The following RAP1GAP variants were observed in gnomAD, a reference collection of about 807,000 sequenced individuals.
RAP1GAP encodes RAP1 GTPase activating protein.
A neutral mutation model predicts 87.2 loss-of-function variants in RAP1GAP; 35 were observed. That is an observed-to-expected ratio of 0.40 (90% CI 0.31 to 0.53). RAP1GAP has a LOEUF of 0.53. Among genes scored for constraint, RAP1GAP ranks in the 20% least tolerant of loss-of-function variants. The pLI, the probability that RAP1GAP is intolerant of heterozygous loss-of-function variation, is 0.48. For missense variants in RAP1GAP, 734 were observed against 898.9 expected (o/e 0.82, Z 2.35); for synonymous variants, 375 against 363.9 (o/e 1.03, Z -0.35).
intron 5 of RAP1GAP, among the ~76,000 whole-genome samples, chr1:21,618,256 C>T (rs899044233): frequency 3.9e-5 from 6 of 152,186 alleles, no homozygotes; most frequent in African/African-American, 1.4e-4. Context: ...TTGGATGCAG[C>T]GGTCTGGGCG....
chr1:21,611,300 C>T, intron 13 of RAP1GAP, 152 bp downstream of exon 13: 1 of 1,172,670 alleles, frequency 8.5e-7, no homozygotes, highest in South Asian at 1.5e-5. Flanking sequence ...TCTGTCTCCC[C>T]TGACCCAACG....
rs2097090385 is a variant in RAP1GAP, at chr1:21,660,351, A to ATATATATATATATATATATATATAT, written c.-149+8902_-149+8903insATATATATATATATATATATATATA. ...GGTTCCAACTCAGCTATATATATTTATTGAGACAGTCTCGCTCTGTCACCC... is the reference window on the plus strand; with the variant it reads ...GGTTCCAACTCAGCTATATATATTTATATATATATATATATATATATATATTTGAGACAGTCTCGCTCTGTCACCC... On this transcript the variant is annotated intron_variant, in intron 1 of 24. Transcript: ENST00000374765. 1.5e-5 allele frequency among the ~76,000 whole-genome samples: 2 copies of ATATATATATATATATATATATATAT among 132,612 alleles called. 1 individual carries two copies. The highest frequency in any genetic ancestry group is 4.8e-4 in the East Asian group (2 of 4,154). The allele number at this position is 132,612 out of a possible 152,430, so 87.0% of individuals were successfully genotyped here. A position where few individuals can be genotyped will look rare whatever the true frequency, so the allele number is the denominator to read the frequency against.
intron 16 of RAP1GAP, 106 bp from the exon 17 acceptor site, chr1:21,608,456 G>T: frequency 7.1e-7 from 1 of 1,405,880 alleles, no homozygotes; most frequent in Non-Finnish European, 9.5e-7. Context: ...TTCTCTGAAT[G>T]AGTGGGGAGT....
At position 21,641,074 on chromosome 1, in the gene RAP1GAP, ATTTTT is replaced by A. The variant is rs546229041; in HGVS notation, c.-113+8682_-113+8686del. On this transcript the variant is annotated intron_variant, in intron 2 of 24. Transcript: ENST00000374765. ...AGGCATGCACCACTACGCCCAGCTAATTTTTTTTTTTTTTTTTGTATTTTTAGTAA... is the reference window on the plus strand; with the variant it reads ...AGGCATGCACCACTACGCCCAGCTAATTTTTTTTTTTTGTATTTTTAGTAA... Among the ~76,000 whole-genome samples, 16 of 132,110 alleles carry A rather than the reference ATTTTT, an allele frequency of 1.2e-4. No individual in the cohort carries two copies. The East Asian group carries it at 3.0e-3, about 24-fold the overall frequency. 86.7% of individuals were successfully genotyped at this position (132,110 alleles called of 152,430 possible). A position where few individuals can be genotyped will look rare whatever the true frequency, so the allele number is the denominator to read the frequency against.
Position 21,616,190 on chromosome 1 carries a change from C to CACACACAT in RAP1GAP, c.291+1115_291+1116insATGTGTGT, listed in dbSNP as rs758719299. 7.7e-3 allele frequency among the ~76,000 whole-genome samples: 1,052 copies of CACACACAT among 136,156 alleles called. 17 individuals are homozygous for CACACACAT. Among genetic ancestry groups the CACACACAT allele is most frequent in the Non-Finnish European group, 0.012 (723 of 61,464 alleles). The allele number at this position is 136,156 out of a possible 152,430, so 89.3% of individuals were successfully genotyped here. A position where few individuals can be genotyped will look rare whatever the true frequency, so the allele number is the denominator to read the frequency against. ...ACACACACACACACACACACACACA[C>CACACACAT]ATACAATGACTAGGAGCATGATCTC... On this transcript the variant is annotated intron_variant, in intron 7 of 24. Transcript: ENST00000374765.
At position 21,617,303 on chromosome 1, in the gene RAP1GAP, C is replaced by A; in HGVS notation, c.291+3G>T. On this transcript the variant is annotated splice_donor_region_variant and intron_variant, in intron 7 of 24. Transcript: ENST00000374765. ...AGCCCCGCTGCACCAGCCGGCCACC[C>A]ACCTTGCCGAGAAAGTGCTTCCGGT... is the stretch of plus-strand genomic sequence containing the variant. 1 of 1,565,388 alleles carries A rather than the reference C, an allele frequency of 6.4e-7. No homozygotes were observed. Among genetic ancestry groups the A allele is most frequent in the East Asian group, 2.4e-5 (1 of 42,358 alleles).
At chr1:21,636,348 T>C (rs2094661184) in intron 2 of RAP1GAP, among the ~76,000 whole-genome samples, 1 of 152,258 alleles carries the variant, frequency 6.6e-6, no homozygotes, top group African/African-American at 2.4e-5. Context: ...GTTAAATGAG[T>C]TCATTGGTGT....
At chr1:21,617,017 T>C (rs1570743099) in intron 7 of RAP1GAP, among the ~76,000 whole-genome samples, 1 of 152,382 alleles carries the variant, frequency 6.6e-6, no homozygotes, top group East Asian at 1.9e-4. Flanking sequence ...ATTTACCCGA[T>C]GTCCTGTGTA....
Position 21,620,018 on chromosome 1 carries a change from C to A in RAP1GAP, c.15G>T (p.Met5Ile). The change falls in exon 4 of 25, where the codon ATG becomes ATT. Residue 5 changes from methionine to isoleucine, a missense_variant. By Grantham distance (10) the Met-to-Ile change is conservative (BLOSUM62 1). Around this residue, in one of 2 missense-constraint regions of RAP1GAP, gnomAD observed 485 missense variants for 646.2 expected, o/e 0.75. Transcript: ENST00000374765. Reference protein sequence around the residue: MIEKMQGSRMDEQRC... With the variant: MIEKIQGSRMDEQRC... ...CAGGCCACAGAGCCATCCTCACCTGCATCTTCTCAATCATCTCAAATAGAT... is the reference window on the plus strand; with the variant it reads ...CAGGCCACAGAGCCATCCTCACCTGAATCTTCTCAATCATCTCAAATAGAT... 1 of 1,613,988 alleles carries A rather than the reference C, an allele frequency of 6.2e-7. No homozygotes were observed. The highest frequency in any genetic ancestry group is 8.5e-7 in the Non-Finnish European group (1 of 1,179,928).
At chr1:21,618,329 C>T (rs2083723669) in intron 5 of RAP1GAP, among the ~76,000 whole-genome samples, 1 of 152,190 alleles carries the variant, frequency 6.6e-6, no homozygotes, top group Non-Finnish European at 1.5e-5. Context: ...GGTGTGAGGG[C>T]CTCTGCCCCA....
intron 2 of RAP1GAP, among the ~76,000 whole-genome samples, chr1:21,644,873 C>T (rs1405016151): frequency 7.0e-6 from 1 of 143,544 alleles, no homozygotes; most frequent in Non-Finnish European, 1.5e-5. Flanking sequence ...TGCACCCCAG[C>T]CTGGGTAACA....
intron 2 of RAP1GAP, among the ~76,000 whole-genome samples, chr1:21,639,986 C>T (rs969926748): frequency 2.0e-5 from 3 of 152,178 alleles, no homozygotes; most frequent in African/African-American, 7.2e-5. Context: ...GGCTTCCCGC[C>T]GCAAGCAGGA....
intron 3 of RAP1GAP, among the ~76,000 whole-genome samples, chr1:21,623,510 C>T (rs2090160252): frequency 6.6e-6 from 1 of 152,212 alleles, no homozygotes; most frequent in African/African-American, 2.4e-5. Context: ...CAGGGCTGCC[C>T]ACCAGCTCAG....
At chr1:21,632,392 C>T (rs1298740879) in intron 2 of RAP1GAP, among the ~76,000 whole-genome samples, 2 of 152,200 alleles carry the variant, frequency 1.3e-5, no homozygotes, top group Non-Finnish European at 2.9e-5. Context: ...CCTTCTTTAT[C>T]TGCTCACTCC....
intron 2 of RAP1GAP, among the ~76,000 whole-genome samples, chr1:21,642,848 C>T (rs2095643546): frequency 6.6e-6 from 1 of 150,952 alleles, no homozygotes; most frequent in African/African-American, 2.5e-5. Context: ...CTGGAACATT[C>T]TCGCACAGTG....
At chr1:21,663,237 C>A (rs1287610927) in intron 1 of RAP1GAP, among the ~76,000 whole-genome samples, 1 of 152,170 alleles carries the variant, frequency 6.6e-6, no homozygotes, top group African/African-American at 2.4e-5. Context: ...TAAGGGCAAC[C>A]CTCTATCCCT....
chr1:21,640,004 G>T (rs1211943675), intron 2 of RAP1GAP, among the ~76,000 whole-genome samples: 1 of 152,108 alleles, frequency 6.6e-6, no homozygotes, highest in East Asian at 1.9e-4. Context: ...GGATCCAGAC[G>T]CCCGCCTCAC....
chr1:21,609,455 A>G lies in RAP1GAP; in HGVS notation c.1071+120T>C. ...GCCAGGCCCCGGTTGCAGTTAGGGG[A>G]GCCCAGCTGCCCTGGCATACAATGA... On this transcript the variant is annotated intron_variant, in intron 15 of 24. Coordinates refer to ENST00000374765, the MANE Select transcript of RAP1GAP (RefSeq NM_002885.4). This position sits in a 1 kb window ranked among gnomAD's most constrained non-coding sequence, Gnocchi z 4.4. 1 of 566,262 alleles carries G rather than the reference A, an allele frequency of 1.8e-6. No individual in the cohort carries two copies. The highest frequency in any genetic ancestry group is 3.0e-6 in the Non-Finnish European group (1 of 334,996). The allele number at this position is 566,262 out of a possible 1,614,324, so 35.1% of individuals were successfully genotyped here.
In RAP1GAP at chr1:21,603,146, T is replaced by C. The variant is rs529774435; in HGVS notation, c.1429-233A>G. On this transcript the variant is annotated intron_variant, in intron 18 of 24. Coordinates refer to ENST00000374765, the MANE Select transcript of RAP1GAP (RefSeq NM_002885.4). The surrounding 1 kb of genome is among the most constrained non-coding windows in gnomAD (Gnocchi z 6.0). ...ACACGGCAGGACTGCACGTCAATAC[T>C]GGCCCAGGATTAGGACAGCATCCTG... 1.1e-5 allele frequency: 6 copies of C among 531,506 alleles called. No individual in the cohort carries two copies. Among genetic ancestry groups the C allele is most frequent in the Non-Finnish European group, 2.0e-5 (6 of 296,162 alleles). 32.9% of individuals were successfully genotyped at this position (531,506 alleles called of 1,614,324 possible).
Sources: gnomAD v4.1 joint callset for allele counts (sites outside exome capture counted in the v4.1 genomes callset) on GRCh38, gnomAD v4.1.1 for gene constraint, gnomAD v4.1.1 regional missense constraint, Gnocchi (gnomAD v3.1) non-coding constraint, MANE v1.5 for transcripts, NCBI Gene and HGNC (gene_info 2026-07-23, HGNC 2026-07-21) for gene names.